Variants in MAN2C1 observed in about 807,000 individuals in gnomAD.
MAN2C1 encodes mannosidase alpha class 2C member 1, also known as alpha-mannosidase 2C1.
In MAN2C1, 111 loss-of-function variants were observed where a neutral mutation model predicts 126.9. The ratio of observed to expected loss-of-function variants is 0.87; its 90% CI spans 0.75 to 1.02. The LOEUF (loss-of-function observed/expected upper bound fraction) is 1.02. Among genes scored for constraint, MAN2C1 ranks in the 50% least tolerant of loss-of-function variants. MAN2C1 has a pLI of 0.00. For synonymous variants in MAN2C1, 567 were observed against 561.5 expected (o/e 1.01, Z -0.14); for missense variants, 1,363 against 1,364.4 (o/e 1.00, Z 0.02).
chr15:75,367,494 AGGACAGGGTTCCTCACCT>A lies in MAN2C1; in HGVS notation c.350_351+16del. On this transcript the variant is annotated splice_donor_variant and splice_donor_5th_base_variant and coding_sequence_variant and intron_variant, in exon 3 of 26. Coordinates refer to ENST00000267978, the MANE Select transcript of MAN2C1 (RefSeq NM_006715.4). LOFTEE classifies it high-confidence loss of function. ...CTGAAATGTGGCCATACCTGGCCCTAGGACAGGGTTCCTCACCTGGACAGGTTCTCCATCACGCCACAC... is the reference window on the plus strand; with the variant it reads ...CTGAAATGTGGCCATACCTGGCCCTAGGACAGGTTCTCCATCACGCCACAC... 1 of 1,613,066 alleles carries A rather than the reference AGGACAGGGTTCCTCACCT, an allele frequency of 6.2e-7. No homozygotes were observed. Among genetic ancestry groups the A allele is most frequent in the Non-Finnish European group, 8.5e-7 (1 of 1,179,368 alleles).
At chr15:75,367,078 G>A (rs750011982) in intron 3 of MAN2C1, among the ~76,000 whole-genome samples, 2 of 152,104 alleles carry the variant, frequency 1.3e-5, no homozygotes, top group Non-Finnish European at 2.9e-5. Context: ...ACCCCAGATT[G>A]AGAGTCAGTC....
chr15:75,368,194 A>G lies in MAN2C1; in HGVS notation c.106T>C (p.Phe36Leu), dbSNP rs1334813788. 1 of 1,603,508 alleles carries G rather than the reference A, an allele frequency of 6.2e-7. No individual in the cohort carries two copies. The highest frequency in any genetic ancestry group is 1.7e-5 in the Admixed American group (1 of 59,210). Residue 36 changes from phenylalanine (F) to leucine (L), a missense_variant, in exon 2 of 26, where the codon TTT becomes CTT. Transcript: ENST00000267978. Reference protein sequence around the residue: ...FTDCNLRGRLFGASCPVAVLS... With the variant: ...FTDCNLRGRLLGASCPVAVLS... The stretch of plus-strand genomic sequence containing the variant: ...ACAGCCACAGGGCAGCTGGCCCCAA[A>G]AAGCCTGCGTGGGACGGGCCGGTGG...
rs764740460 is a variant in MAN2C1 at position 75,356,843 on chromosome 15, G to A, written c.2607C>T (p.Asn869=). The change falls in exon 22 of 26, where the codon AAC becomes AAT. Residue 869 remains asparagine (N), a synonymous_variant. Transcript: ENST00000267978. The surrounding 1 kb of genome is among the most constrained non-coding windows in gnomAD (Gnocchi z 5.8). ...GCACTGACGCGCCATACTTGCAGTC[G>A]TTGAGCAGGGCCAGCCCAAAGCCGT... ...SEHGFGLALL[N]DCKYGASVRG... 4.3e-6 allele frequency: 7 copies of A among 1,614,124 alleles called. No individual in the cohort carries two copies. Among genetic ancestry groups the A allele is most frequent in the East Asian group, 2.2e-5 (1 of 44,882 alleles).
At chr15:75,364,260 G>A in intron 5 of MAN2C1, 72 bp from the exon 6 acceptor site, 1 of 1,482,728 alleles carries the variant, frequency 6.7e-7, no homozygotes, top group Non-Finnish European at 9.0e-7. Flanking sequence ...CTGATCTCAG[G>A]GCTCTCAGCA....
rs78610801 is a variant in MAN2C1, at chr15:75,359,640, G to A, written c.1928C>T (p.Pro643Leu). Residue 643 changes from proline to leucine, a missense_variant, in exon 16 of 26, where the codon CCG (proline) becomes CTG (leucine). Coordinates refer to ENST00000267978, the MANE Select transcript of MAN2C1 (RefSeq NM_006715.4). ...KRIEVMALPK[P>L]GGAHSLALVT... ...CGTACCTAGGCTGTGGGCCCCGCCC[G>A]GTTTGGGCAGGGCCATCACTTCGAT... The A allele has an allele frequency of 0.036, 57,665 of 1,614,062 alleles. 1,223 individuals are homozygous for A. Among genetic ancestry groups the A allele is most frequent in the Non-Finnish European group, 0.041 (48,731 of 1,180,012 alleles).
chr15:75,362,400 G>T lies in MAN2C1; in HGVS notation c.951C>A (p.Ile317=). ...KSRYPGLYSR[I]QEFACRGQFV... is the part of the protein sequence containing the mutation. ...ACTGCCCACGGCACGCAAACTCCTG[G>T]ATGCGGGAGTACAGGCCAGGGTAGC... Residue 317 remains isoleucine, a synonymous_variant, in exon 8 of 26, where the codon ATC becomes ATA. Transcript: ENST00000267978. This position sits in a 1 kb window ranked among gnomAD's most constrained non-coding sequence, Gnocchi z 4.5. 6.2e-7 allele frequency: 1 copy of T among 1,613,930 alleles called. No individual in the cohort carries two copies.
Position 75,358,236 on chromosome 15 carries a change from G to A in MAN2C1, c.2512C>T (p.His838Tyr). The A allele has an allele frequency of 6.2e-7, 1 of 1,614,196 alleles. No homozygotes were observed. Among genetic ancestry groups the A allele is most frequent in the Non-Finnish European group, 8.5e-7 (1 of 1,180,044 alleles). ...GCCCAGTCCCAAGAGGTATTGTAGT[G>A]GGTAGGTCGCTGCAGGTGCCCAAAC... Reference protein sequence around the residue: ...IQFGHLQRPTHYNTSWDWARF... With the variant: ...IQFGHLQRPTYYNTSWDWARF... The change falls in exon 21 of 26, where the codon CAC (histidine) becomes TAC (tyrosine). Residue 838 changes from histidine (H) to tyrosine (Y), a missense_variant. Physicochemically the swap from His to Tyr is moderately conservative, Grantham distance 83. This residue lies in a region of MAN2C1 where 668 missense variants were observed against 650.1 expected (regional missense o/e 1.03). Coordinates refer to ENST00000267978, the MANE Select transcript of MAN2C1 (RefSeq NM_006715.4).
At chr15:75,367,434 G>C in intron 3 of MAN2C1, 77 bp downstream of exon 3, 1 of 1,548,676 alleles carries the variant, frequency 6.5e-7, no homozygotes, top group South Asian at 1.2e-5. Flanking sequence ...GGCTTCTCCA[G>C]AGTCCACAGA....
chr15:75,364,111 G>C lies in MAN2C1; in HGVS notation c.678C>G (p.Ala226=). ...ANQMVNVCDP[A]QPETFPVAQA... is the part of the protein sequence containing the mutation. ...GGGCCACTGGGAAGGTCTCGGGCTGGGCAGGGTCACACACGTTCACCATCT... is the reference window on the plus strand; with the variant it reads ...GGGCCACTGGGAAGGTCTCGGGCTGCGCAGGGTCACACACGTTCACCATCT... Residue 226 remains alanine, a synonymous_variant, in exon 6 of 26, where the codon GCC becomes GCG. Coordinates refer to ENST00000267978, the MANE Select transcript of MAN2C1 (RefSeq NM_006715.4). 6.2e-7 allele frequency: 1 copy of C among 1,614,214 alleles called. No individual in the cohort carries two copies. Among genetic ancestry groups the C allele is most frequent in the South Asian group, 1.1e-5 (1 of 91,086 alleles).
intron 12 of MAN2C1, 73 bp downstream of exon 12, chr15:75,360,973 A>C (rs1244899615): frequency 2.6e-6 from 4 of 1,526,848 alleles, no homozygotes; most frequent in Non-Finnish European, 3.5e-6. Flanking sequence ...GTTGGGCCCA[A>C]TGTCTGAGGG....
In MAN2C1 at chr15:75,368,101, C is replaced by G. The variant is rs371985026; in HGVS notation, c.199G>C (p.Ala67Pro). The G allele has an allele frequency of 5.0e-6, 8 of 1,607,580 alleles. No homozygotes were observed. In the South Asian group the frequency reaches 6.7e-5, roughly 13 times the overall value. The change falls in exon 2 of 26, where the codon GCG becomes CCG. Residue 67 changes from alanine (A) to proline (P), a missense_variant. Transcript: ENST00000267978. ...GGTCCGAAGCTGTCGCCGACCTGCG[C>G]GGGGCGGAAGTCCCGCTGGACTGCC... ...QEAVQRDFRP[A>P]QVGDSFGPTW...
chr15:75,357,307 G>A (rs980581893), intron 21 of MAN2C1: 6 of 165,742 alleles, frequency 3.6e-5, no homozygotes, highest in South Asian at 1.4e-4. Context: ...CACCACGCCC[G>A]GCTTTTTTTT....
At chr15:75,363,138 A>T in intron 6 of MAN2C1, 1 of 455,482 alleles carries the variant, frequency 2.2e-6, no homozygotes, top group South Asian at 1.6e-5. Flanking sequence ...GTCCTACCAG[A>T]GGTGCTACAG....
rs752157188 is a variant in MAN2C1, at chr15:75,358,185, C to A, written c.2547+16G>T. On this transcript the variant is annotated intron_variant, in intron 21 of 25. Coordinates refer to ENST00000267978, the MANE Select transcript of MAN2C1 (RefSeq NM_006715.4). ...AGGGAGGAGTCCAAGGCCACTCCCA[C>A]CCTGCCATGTCAGACCTCAAATCGA... 8 of 1,613,798 alleles carry A rather than the reference C, an allele frequency of 5.0e-6. No homozygotes were observed. The highest frequency in any genetic ancestry group is 8.5e-7 in the Non-Finnish European group (1 of 1,179,940).
At position 75,361,890 on chromosome 15, in the gene MAN2C1, A is replaced by T; in HGVS notation, c.1066T>A (p.Phe356Ile). The change falls in exon 9 of 26, where the codon TTC (phenylalanine) becomes ATC (isoleucine). Residue 356 changes from phenylalanine to isoleucine, a missense_variant. This residue lies in a region of MAN2C1 where 628 missense variants were observed against 609.8 expected (regional missense o/e 1.03). Transcript: ENST00000267978. The surrounding 1 kb of genome is among the most constrained non-coding windows in gnomAD (Gnocchi z 5.0). ...MVRQFLQGQN[F>I]FLQEFGKMCS... The stretch of plus-strand genomic sequence containing the variant: ...ATCTTCCCAAACTCCTGCAGAAAGA[A>T]GTTCTGGCCCTGCAAAAACTGCCTC... The T allele has an allele frequency of 6.2e-7, 1 of 1,614,128 alleles. No individual in the cohort carries two copies. Among genetic ancestry groups the T allele is most frequent in the Non-Finnish European group, 8.5e-7 (1 of 1,180,022 alleles).
chr15:75,357,150 CTTTG>C (rs748547370), intron 21 of MAN2C1: 34 of 504,334 alleles, frequency 6.7e-5, no homozygotes, highest in African/African-American at 3.9e-5. Context: ...AAATGTAAAA[CTTTG>C]TTTTTTTCAC....
At position 75,358,704 on chromosome 15, in the gene MAN2C1, C is replaced by CACATGCTGCCCA. The variant is rs758880292; in HGVS notation, c.2245_2246insTGGGCAGCATGT (p.Arg749delinsLeuGlySerMetTrp). 1 of 1,613,924 alleles carries CACATGCTGCCCA rather than the reference C, an allele frequency of 6.2e-7. No individual in the cohort carries two copies. The highest frequency in any genetic ancestry group is 8.5e-7 in the Non-Finnish European group (1 of 1,179,836). On this transcript the variant is annotated protein_altering_variant and splice_region_variant, in exon 19 of 26. Coordinates refer to ENST00000267978, the MANE Select transcript of MAN2C1 (RefSeq NM_006715.4). ...TCCCCACATGCTGCCCAGCCTATAC[C>CACATGCTGCCCA]GTGTCTCCAGGTGGTAGTCCATGAC...
rs150703780 is a variant in MAN2C1 at position 75,358,293 on chromosome 15, C to A, written c.2455G>T (p.Val819Leu). 1.4e-5 allele frequency: 23 copies of A among 1,614,010 alleles called. No homozygotes were observed. The highest frequency in any genetic ancestry group is 1.9e-5 in the Non-Finnish European group (22 of 1,180,040). Residue 819 changes from valine to leucine, a missense_variant, in exon 21 of 26, where the codon GTG becomes TTG. Physicochemically the swap from Val to Leu is conservative, Grantham distance 32. Around this residue, in one of 3 missense-constraint regions of MAN2C1, gnomAD observed 668 missense variants for 650.1 expected, o/e 1.03. Coordinates refer to ENST00000267978, the MANE Select transcript of MAN2C1 (RefSeq NM_006715.4). ...TCATAGGTGGCCTGGGAACTCCGCA[C>A]GCGAGCAGGGAACTCCACCTTCAGG... ...KFLKVEFPAR[V>L]RSSQATYEIQ...
chr15:75,367,583 C>G lies in MAN2C1; in HGVS notation c.279G>C (p.Val93=). Residue 93 remains valine (V), a synonymous_variant, in exon 3 of 26, where the codon GTG becomes GTC. Coordinates refer to ENST00000267978, the MANE Select transcript of MAN2C1 (RefSeq NM_006715.4). ...CCCAGCAAAGGTGAACTTCCTGGCC[C>G]ACCCATGCCTCTGGGATGGTCAGCT... ...RVELTIPEAW[V]GQEVHLCWES... is the part of the protein sequence containing the mutation. The G allele has an allele frequency of 6.2e-7, 1 of 1,614,202 alleles. No homozygotes were observed. Among genetic ancestry groups the G allele is most frequent in the East Asian group, 2.2e-5 (1 of 44,888 alleles).
Sources: gnomAD v4.1 joint callset for allele counts (sites outside exome capture counted in the v4.1 genomes callset) on GRCh38, gnomAD v4.1.1 for gene constraint, gnomAD v4.1.1 regional missense constraint, Gnocchi (gnomAD v3.1) non-coding constraint, MANE v1.5 for transcripts, NCBI Gene and HGNC (gene_info 2026-07-23, HGNC 2026-07-21) for gene names.